The following ARID1B variants were observed in gnomAD, a reference collection of about 807,000 sequenced individuals.
ARID1B encodes the protein AT-rich interactive domain-containing protein 1B.
In ARID1B, 30 loss-of-function variants were observed where a neutral mutation model predicts 212.3. That is an observed-to-expected ratio of 0.14 (90% CI 0.11 to 0.19). The LOEUF (loss-of-function observed/expected upper bound fraction) is 0.19. ARID1B is among the 10% of genes least tolerant of loss of function. The probability of loss-of-function intolerance (pLI) is 1.00; values close to 1 mark genes in which losing one functional copy is unlikely to be tolerated. For missense variants in ARID1B, 2,891 were observed against 3,204.0 expected (o/e 0.90, Z 2.36); for synonymous variants, 1,402 against 1,301.7 (o/e 1.08, Z -1.66).
chr6:156,798,963 G>A (rs1780584609), intron 1 of ARID1B, among the ~76,000 whole-genome samples: 1 of 152,126 alleles, frequency 6.6e-6, no homozygotes, highest in South Asian at 2.1e-4. Flanking sequence ...GTGTGTATAG[G>A]TTATTCTCTG....
chr6:156,830,471 C>T (rs978449985), intron 2 of ARID1B, among the ~76,000 whole-genome samples: 4 of 152,212 alleles, frequency 2.6e-5, no homozygotes, highest in African/African-American at 9.6e-5. Context: ...ATTGATCATA[C>T]TTTACATGAT....
chr6:156,854,698 A>C (rs1175203220), intron 2 of ARID1B, among the ~76,000 whole-genome samples: 3 of 152,198 alleles, frequency 2.0e-5, no homozygotes, highest in South Asian at 2.1e-4. Context: ...AATTGTGTCC[A>C]CCTCTAGATA....
intron 4 of ARID1B, among the ~76,000 whole-genome samples, chr6:156,961,477 G>T (rs1163185444): frequency 1.3e-5 from 2 of 151,378 alleles, no homozygotes; most frequent in African/African-American, 2.5e-5. Context: ...CGGCTTGCTG[G>T]CTGGCGCGGG....
At chr6:156,925,329 A>C (rs1200772580) in intron 3 of ARID1B, among the ~76,000 whole-genome samples, 1 of 152,176 alleles carries the variant, frequency 6.6e-6, no homozygotes. Context: ...GAAGTAGCTT[A>C]TACAAGCCTG....
chr6:157,162,552 C>T (rs925640060), intron 8 of ARID1B, among the ~76,000 whole-genome samples: 2 of 152,192 alleles, frequency 1.3e-5, no homozygotes, highest in Non-Finnish European at 2.9e-5. Context: ...ACTCACAGGT[C>T]CTGCTTTCTC....
At chr6:157,087,949 C>CTT (rs1425107007) in intron 5 of ARID1B, among the ~76,000 whole-genome samples, 2 of 152,224 alleles carry the variant, frequency 1.3e-5, no homozygotes, top group African/African-American at 4.8e-5. Context: ...TAGCTGAACA[C>CTT]TTAGCCCCTG....
chr6:157,080,759 A>G (rs1161387619), intron 4 of ARID1B, among the ~76,000 whole-genome samples: 2 of 152,224 alleles, frequency 1.3e-5, no homozygotes, highest in Admixed American at 6.5e-5. Context: ...AAAATTTTAC[A>G]TGGGCAGAGA....
At chr6:156,893,060 T>TTTTTTTTTTTTTTTTTTTTTTG (rs1268821728) in intron 2 of ARID1B, among the ~76,000 whole-genome samples, 3 of 137,698 alleles carry the variant, frequency 2.2e-5, no homozygotes, top group African/African-American at 2.8e-5. Context: ...TTTTTTTTTT[T>TTTTTTTTTTTTTTTTTTTTTTG]GAGATGGAGT....
At chr6:157,100,647 C>G (rs1410402665) in intron 5 of ARID1B, among the ~76,000 whole-genome samples, 1 of 152,134 alleles carries the variant, frequency 6.6e-6, no homozygotes, top group East Asian at 1.9e-4. Context: ...TTCATTTACA[C>G]CATTAGGTAT....
intron 4 of ARID1B, among the ~76,000 whole-genome samples, chr6:157,010,653 TTTG>T (rs974666502): frequency 1.5e-4 from 23 of 151,358 alleles, no homozygotes; most frequent in African/African-American, 5.1e-4. Context: ...TGTTTTGTTT[TTTG>T]TTGTTGTTGT....
At chr6:156,966,653 C>T (rs1474815590) in intron 4 of ARID1B, among the ~76,000 whole-genome samples, 2 of 151,968 alleles carry the variant, frequency 1.3e-5, no homozygotes, top group Non-Finnish European at 2.9e-5. Flanking sequence ...CCTCGTGCTC[C>T]CAAAGTGTAG....
intron 3 of ARID1B, among the ~76,000 whole-genome samples, chr6:156,914,068 T>A (rs145683695): frequency 2.4e-5 from 2 of 82,138 alleles, no homozygotes. Context: ...CACCCCAGCC[T>A]GTGGTGCCCC....
At chr6:157,146,010 A>G (rs1037983241) in intron 7 of ARID1B, among the ~76,000 whole-genome samples, 1 of 152,146 alleles carries the variant, frequency 6.6e-6, no homozygotes, top group Non-Finnish European at 1.5e-5. Flanking sequence ...GCTCCTCCTT[A>G]TGGACAGGAT....
intron 2 of ARID1B, among the ~76,000 whole-genome samples, chr6:156,857,434 A>G (rs287912): frequency 2.6e-5 from 4 of 151,794 alleles, no homozygotes; most frequent in Non-Finnish European, 4.4e-5. Flanking sequence ...CCTGGTGTGT[A>G]CTTGGCCTGG....
Position 157,190,328 on chromosome 6 carries a change from G to A in ARID1B, c.4231+118G>A. 8.2e-7 allele frequency: 1 copy of A among 1,217,686 alleles called. No individual in the cohort carries two copies. The highest frequency in any genetic ancestry group is 1.1e-6 in the Non-Finnish European group (1 of 898,942). 75.4% of individuals were successfully genotyped at this position (1,217,686 alleles called of 1,614,324 possible). A position where few individuals can be genotyped will look rare whatever the true frequency, so the allele number is the denominator to read the frequency against. On this transcript the variant is annotated intron_variant, in intron 15 of 19. Transcript: ENST00000636930. The surrounding 1 kb of genome is among the most constrained non-coding windows in gnomAD (Gnocchi z 4.6). The stretch of plus-strand genomic sequence containing the variant: ...CTGAGCCCATGCTGCATCGGTGTGG[G>A]TCCCAGGTCCCCATCCTACTCCACT...
chr6:157,011,556 G>GA (rs1412284094), intron 4 of ARID1B, among the ~76,000 whole-genome samples: 49 of 152,292 alleles, frequency 3.2e-4, no homozygotes, highest in African/African-American at 1.1e-3. Flanking sequence ...AAGTCTTGAG[G>GA]AAAGAATTCT....
At chr6:157,166,996 T>C (rs1420423257) in intron 8 of ARID1B, 44 bp from the exon 9 acceptor site, 3 of 1,597,130 alleles carry the variant, frequency 1.9e-6, no homozygotes, top group South Asian at 2.2e-5. Flanking sequence ...CCACTGCTAA[T>C]GTGCATGGTC....
chr6:157,118,998 T>C (rs1451697011), intron 6 of ARID1B, among the ~76,000 whole-genome samples: 1 of 152,218 alleles, frequency 6.6e-6, no homozygotes, highest in Non-Finnish European at 1.5e-5. Flanking sequence ...GGTAAATTCA[T>C]GGATTTATAA....
At chr6:157,047,367 G>T (rs1782303363) in intron 4 of ARID1B, among the ~76,000 whole-genome samples, 2 of 152,186 alleles carry the variant, frequency 1.3e-5, no homozygotes, top group East Asian at 3.9e-4. Context: ...AAAATCAGAA[G>T]TAGTATATTA....
Sources: allele counts gnomAD v4.1 joint callset (sites outside exome capture counted in the v4.1 genomes callset), GRCh38; gene constraint gnomAD v4.1.1; non-coding constraint Gnocchi (gnomAD v3.1); transcripts MANE v1.5; gene names NCBI Gene and HGNC (gene_info 2026-07-23, HGNC 2026-07-21).